The following RBM26 variants were observed in gnomAD, a reference collection of about 807,000 sequenced individuals.
The protein encoded by RBM26 is RNA-binding protein 26.
RBM26 carries 30 observed loss-of-function variants against 123.6 expected under a neutral mutation model. The ratio of observed to expected loss-of-function variants is 0.24; its 90% CI spans 0.18 to 0.33. RBM26 has a LOEUF of 0.33. RBM26 is among the 10% of genes least tolerant of loss of function. The pLI is 1.00. For synonymous variants in RBM26, 400 were observed against 404.4 expected (o/e 0.99, Z 0.13); for missense variants, 947 against 1,203.6 (o/e 0.79, Z 3.15).
chr13:79,314,049 T>C (rs2066979348), downstream of RBM26: 1 of 151,730 alleles, frequency 6.6e-6, no homozygotes, highest in South Asian at 2.1e-4. Context: ...AGTGCAAACA[T>C]TTCTTATAGT....
chr13:79,315,532 A>G (rs2138222233), downstream of RBM26, among the ~76,000 whole-genome samples: 1 of 151,990 alleles, frequency 6.6e-6, no homozygotes, highest in Middle Eastern at 3.4e-3. Flanking sequence ...GAATACATGG[A>G]AATCAGACAG....
At position 79,318,985 on chromosome 13, in the gene RBM26, AAT is replaced by A. The variant is rs1198819008; in HGVS notation, c.*1634_*1635del. The A allele has an allele frequency of 2.1e-6, 2 of 974,686 alleles. No individual in the cohort carries two copies. Among genetic ancestry groups the A allele is most frequent in the Non-Finnish European group, 2.4e-6 (2 of 820,436 alleles). The allele number at this position is 974,686 out of a possible 1,614,324, so 60.4% of individuals were successfully genotyped here. Reference sequence around the variant, plus strand: ...TCTTTGATTTAAATATATAAGTAAAAATAGTGACTTTTTGAGCAAAGTCACTA... The same window carrying A: ...TCTTTGATTTAAATATATAAGTAAAAAGTGACTTTTTGAGCAAAGTCACTA... On this transcript the variant is annotated 3_prime_UTR_variant, in exon 22 of 22. Transcript: ENST00000438737.
downstream of RBM26, among the ~76,000 whole-genome samples, chr13:79,315,807 CAA>C (rs1334972506): frequency 1.3e-5 from 2 of 151,712 alleles, no homozygotes; most frequent in African/African-American, 2.4e-5. Flanking sequence ...TCATGTTCAC[CAA>C]AGTTTCTTTC....
At chr13:79,386,154 G>C (rs1380072527) in intron 1 of RBM26, among the ~76,000 whole-genome samples, 1 of 151,460 alleles carries the variant, frequency 6.6e-6, no homozygotes, top group Non-Finnish European at 1.5e-5. Flanking sequence ...TCTGAGAAGA[G>C]TGACCAAGTT....
At position 79,353,190 on chromosome 13, in the gene RBM26, C is replaced by A; in HGVS notation, c.2021G>T (p.Gly674Val). The change falls in exon 14 of 22, where the codon GGT becomes GTT. Residue 674 changes from glycine to valine, a missense_variant. Physicochemically the swap from Gly to Val is moderately radical, Grantham distance 109. Around this residue, in one of 5 missense-constraint regions of RBM26, gnomAD observed 493 missense variants for 563.1 expected, o/e 0.88. Coordinates refer to ENST00000438737, the MANE Select transcript of RBM26 (RefSeq NM_001366735.2). ...TGAAACAGATGGCTTTGATACAAAACCCAACCTGTCCTTCACAGATAACTT... is the reference window on the plus strand; with the variant it reads ...TGAAACAGATGGCTTTGATACAAAAACCAACCTGTCCTTCACAGATAACTT... ...VTKLSVKDRLGFVSKPSVSAT... is the reference protein window; with the variant it reads ...VTKLSVKDRLVFVSKPSVSAT... The A allele has an allele frequency of 6.3e-7, 1 of 1,591,234 alleles. No homozygotes were observed. The highest frequency in any genetic ancestry group is 8.6e-7 in the Non-Finnish European group (1 of 1,167,696).
chr13:79,355,805 T>C (rs1161349205), intron 11 of RBM26, among the ~76,000 whole-genome samples: 3 of 152,064 alleles, frequency 2.0e-5, no homozygotes, highest in South Asian at 2.1e-4. Context: ...ATCTGAACAA[T>C]TGCCCAAATT....
downstream of RBM26, among the ~76,000 whole-genome samples, chr13:79,318,254 T>TAA (rs565772303): frequency 7.3e-4 from 106 of 144,998 alleles, no homozygotes; most frequent in Admixed American, 1.0e-3. Flanking sequence ...AACGTAGAGT[T>TAA]AAAAAAAAAA....
intron 3 of RBM26, chr13:79,376,640 T>A (rs551281550): frequency 2.0e-5 from 3 of 152,238 alleles, no homozygotes; most frequent in Non-Finnish European, 2.9e-5. Context: ...ATCCACTGTC[T>A]TGTGAAGGTC....
In RBM26 at chr13:79,319,494, A is replaced by G. The variant is rs2067451314; in HGVS notation, c.*1127T>C. On this transcript the variant is annotated 3_prime_UTR_variant, in exon 22 of 22. Transcript: ENST00000438737. ...AAACATCAAAGATTTTTATACAAGT[A>G]TAGGAAGTACACACTTAAAATATCA... 4 of 984,412 alleles carry G rather than the reference A, an allele frequency of 4.1e-6. No individual in the cohort carries two copies. The highest frequency in any genetic ancestry group is 4.7e-5 in the South Asian group (1 of 21,272). The allele number at this position is 984,412 out of a possible 1,614,324, so 61.0% of individuals were successfully genotyped here.
In RBM26 at chr13:79,322,463, C is replaced by CTTT. The variant is rs765701758; in HGVS notation, c.2821-2_2821-1insAAA. On this transcript the variant is annotated splice_acceptor_variant, in intron 20 of 21. Transcript: ENST00000438737. LOFTEE classifies it high-confidence loss of function. ...TGAAACGAGCTCCATGAACTGCAGC[C>CTTT]TAAAATGATTAAAAATATTGGAATA... 1 of 1,536,744 alleles carries CTTT rather than the reference C, an allele frequency of 6.5e-7. No individual in the cohort carries two copies. The highest frequency in any genetic ancestry group is 8.7e-7 in the Non-Finnish European group (1 of 1,148,804).
At position 79,319,134 on chromosome 13, in the gene RBM26, T is replaced by C. The variant is rs2067407939; in HGVS notation, c.*1487A>G. Reference sequence around the variant, plus strand: ...AAATACACACAACTTCAACCCCAATTAGGGGTGTATGGGGAAGAAGAAAAA... The same window carrying C: ...AAATACACACAACTTCAACCCCAATCAGGGGTGTATGGGGAAGAAGAAAAA... On this transcript the variant is annotated 3_prime_UTR_variant, in exon 22 of 22. Coordinates refer to ENST00000438737, the MANE Select transcript of RBM26 (RefSeq NM_001366735.2). 1 of 984,464 alleles carries C rather than the reference T, an allele frequency of 1.0e-6. No individual in the cohort carries two copies. The highest frequency in any genetic ancestry group is 1.2e-6 in the Non-Finnish European group (1 of 829,364). 61.0% of individuals were successfully genotyped at this position (984,464 alleles called of 1,614,324 possible). A position where few individuals can be genotyped will look rare whatever the true frequency, so the allele number is the denominator to read the frequency against.
At chr13:79,331,857 T>C (rs1451101907) in intron 20 of RBM26, among the ~76,000 whole-genome samples, 1 of 152,138 alleles carries the variant, frequency 6.6e-6, no homozygotes. Flanking sequence ...CTTTAGTACT[T>C]TGGCATGGTG....
At position 79,320,663 on chromosome 13, in the gene RBM26, A is replaced by G. The variant is rs1291491792; in HGVS notation, c.2982T>C (p.Asp994=). The G allele has an allele frequency of 1.2e-6, 2 of 1,601,026 alleles. No individual in the cohort carries two copies. The highest frequency in any genetic ancestry group is 1.7e-6 in the Non-Finnish European group (2 of 1,174,170). ...GAGATTCATTGTCCTCTTCTTCTTC[A>G]TCATCATCTTGAAGTAATGAGTCAT... ...LVDDSLLQDD[D]EEEEDNESRS... Residue 994 remains aspartate, a synonymous_variant, in exon 22 of 22, where the codon GAT becomes GAC. Transcript: ENST00000438737.
At chr13:79,355,448 T>A in intron 11 of RBM26, 64 bp from the exon 12 acceptor site, 1 of 1,327,564 alleles carries the variant, frequency 7.5e-7, no homozygotes, top group South Asian at 1.3e-5. Flanking sequence ...TAGAGTAAAA[T>A]TCCCCAGTAA....
intron 11 of RBM26, among the ~76,000 whole-genome samples, chr13:79,356,575 ACAGT>A (rs1488083481): frequency 3.3e-5 from 5 of 152,292 alleles, no homozygotes; most frequent in East Asian, 3.9e-4. Context: ...GAGATTGTAC[ACAGT>A]CAGAAGTATT....
intron 1 of RBM26, among the ~76,000 whole-genome samples, chr13:79,395,196 A>T (rs964211020): frequency 6.6e-6 from 1 of 152,240 alleles, no homozygotes; most frequent in East Asian, 1.9e-4. Flanking sequence ...AATGTGATCT[A>T]CATGAGACGA....
intron 1 of RBM26, among the ~76,000 whole-genome samples, chr13:79,393,905 T>G (rs554496597): frequency 5.3e-4 from 80 of 152,234 alleles, no homozygotes; most frequent in African/African-American, 1.1e-3. Flanking sequence ...CCTATTCTTT[T>G]TGTGTGTGTG....
At chr13:79,392,047 C>T (rs1290138485) in intron 1 of RBM26, among the ~76,000 whole-genome samples, 1 of 120,966 alleles carries the variant, frequency 8.3e-6, no homozygotes, top group African/African-American at 3.1e-5. Context: ...TTATACAATA[C>T]ATTATTATAT....
intron 5 of RBM26, among the ~76,000 whole-genome samples, chr13:79,369,619 G>A (rs893753057): frequency 3.3e-5 from 5 of 152,046 alleles, no homozygotes; most frequent in Admixed American, 1.3e-4. Context: ...AGTATTAAGA[G>A]TAGCAAAAAA....
Sources: allele counts gnomAD v4.1 joint callset (sites outside exome capture counted in the v4.1 genomes callset), GRCh38; gene constraint gnomAD v4.1.1; regional missense constraint gnomAD v4.1.1; transcripts MANE v1.5; gene names NCBI Gene and HGNC (gene_info 2026-07-23, HGNC 2026-07-21).